Variants in NLRP3 observed in about 807,000 individuals in gnomAD.
NLRP3 encodes the protein NACHT, LRR and PYD domains-containing protein 3.
NLRP3 carries 48 observed loss-of-function variants against 91.3 expected under a neutral mutation model. That is an observed-to-expected ratio of 0.53 (90% CI 0.42 to 0.67). The LOEUF is 0.67. Among genes scored for constraint, NLRP3 ranks in the 30% least tolerant of loss-of-function variants. The probability of loss-of-function intolerance (pLI) is 0.00; values close to 1 mark genes in which losing one functional copy is unlikely to be tolerated. For synonymous variants in NLRP3, 561 were observed against 507.9 expected, an observed-to-expected ratio of 1.10 and a Z score of -1.41; for missense variants, 982 against 1,276.9, an observed-to-expected ratio of 0.77 and a Z score of 3.52.
At position 247,424,279 on chromosome 1, in the gene NLRP3, G is replaced by A; in HGVS notation, c.830G>A (p.Cys277Tyr). 1.2e-6 allele frequency: 2 copies of A among 1,614,086 alleles called. No homozygotes were observed. The highest frequency in any genetic ancestry group is 1.7e-6 in the Non-Finnish European group (2 of 1,180,016). Residue 277 changes from cysteine to tyrosine, a missense_variant, in exon 4 of 10, where the codon TGC becomes TAC. Cys to Tyr is a radical substitution (Grantham distance 194). Transcript: ENST00000336119. This position sits in a 1 kb window ranked among gnomAD's most constrained non-coding sequence, Gnocchi z 8.1. ...AGCCTGGGGGACCTGATCATGAGCTGCTGCCCCGACCCAAACCCACCCATC... is the reference window on the plus strand; with the variant it reads ...AGCCTGGGGGACCTGATCATGAGCTACTGCCCCGACCCAAACCCACCCATC... ...QRSLGDLIMS[C>Y]CPDPNPPIHK...
rs1662796733 is a variant in NLRP3 at position 247,425,395 on chromosome 1, C to G, written c.1946C>G (p.Pro649Arg). The G allele has an allele frequency of 5.0e-6, 8 of 1,614,182 alleles. No homozygotes were observed. The highest frequency in any genetic ancestry group is 6.8e-6 in the Non-Finnish European group (8 of 1,180,038). ...GTGCAAAGGGCCATGGACTATTTCC[C>G]CAAGATTGAGATCAATCTCTCCACC... is the stretch of plus-strand genomic sequence containing the variant. ...DFVQRAMDYF[P>R]KIEINLSTRM... The change falls in exon 4 of 10, where the codon CCC (proline) becomes CGC (arginine). Residue 649 changes from proline (P) to arginine (R), a missense_variant. Pro to Arg is a moderately radical substitution (Grantham distance 103, BLOSUM62 -2). This residue lies in a region of NLRP3 where 373 missense variants were observed against 431.5 expected (regional missense o/e 0.86). Coordinates refer to ENST00000336119, the MANE Select transcript of NLRP3 (RefSeq NM_001243133.2). This position sits in a 1 kb window ranked among gnomAD's most constrained non-coding sequence, Gnocchi z 4.1.
At chr1:247,417,360 G>GA (rs1558183842) in intron 1 of NLRP3, among the ~76,000 whole-genome samples, 3 of 152,222 alleles carry the variant, frequency 2.0e-5, no homozygotes, top group African/African-American at 7.2e-5. Context: ...GGTTAGATGG[G>GA]GAAAAACATC....
At chr1:247,416,641 G>A (rs992540022) in intron 1 of NLRP3, among the ~76,000 whole-genome samples, 1 of 126,418 alleles carries the variant, frequency 7.9e-6, no homozygotes, top group Admixed American at 7.8e-5. Flanking sequence ...GGTATGCGGA[G>A]CTAATAGGGC....
chr1:247,419,495 A>G (rs1662309987), intron 2 of NLRP3, among the ~76,000 whole-genome samples: 1 of 152,088 alleles, frequency 6.6e-6, no homozygotes, highest in African/African-American at 2.4e-5. Context: ...TGTTAGGTAC[A>G]CTCACATTGT....
In NLRP3 at chr1:247,425,624, C is replaced by G; in HGVS notation, c.2150+25C>G. On this transcript the variant is annotated intron_variant, in intron 4 of 9. Transcript: ENST00000336119. This position sits in a 1 kb window ranked among gnomAD's most constrained non-coding sequence, Gnocchi z 4.1. Reference sequence around the variant, plus strand: ...GGTAAGGAAACTCGGCTTCCAGGTGCTTCCTCCTGCTTCCTCGCCAGCTTC... The same window carrying G: ...GGTAAGGAAACTCGGCTTCCAGGTGGTTCCTCCTGCTTCCTCGCCAGCTTC... 6.3e-7 allele frequency: 1 copy of G among 1,594,736 alleles called. No individual in the cohort carries two copies. Among genetic ancestry groups the G allele is most frequent in the Non-Finnish European group, 8.5e-7 (1 of 1,175,486 alleles).
chr1:247,426,119 T>TA (rs1416750733), intron 4 of NLRP3, among the ~76,000 whole-genome samples: 1 of 152,190 alleles, frequency 6.6e-6, no homozygotes, highest in African/African-American at 2.4e-5. Context: ...TGAAGACTGG[T>TA]ATGAGCCAAA....
At chr1:247,423,681 C>T (rs1662636165) in intron 3 of NLRP3, among the ~76,000 whole-genome samples, 166 bp from the exon 4 acceptor site, 1 of 151,978 alleles carries the variant, frequency 6.6e-6, no homozygotes, top group African/African-American at 2.4e-5. Flanking sequence ...ATCTTAAAAA[C>T]TTGACACCAG....
intron 5 of NLRP3, 119 bp from the exon 6 acceptor site, chr1:247,433,984 T>C: frequency 1.4e-6 from 1 of 713,426 alleles, no homozygotes; most frequent in Non-Finnish European, 2.3e-6. Flanking sequence ...ATCAGATGTG[T>C]TCTGATGCTT....
rs1482886217 is a variant in NLRP3 at position 247,444,083 on chromosome 1, G to A, written c.2775G>A (p.Lys925=). The part of the protein sequence containing the change: ...LYLRGNTLGD[K]GIKLLCEGLL... ...TGCGAGGCAACACTCTCGGAGACAA[G>A]GGGATCAAACTACTCTGTGAGGGAC... The change falls in exon 8 of 10, where the codon AAG becomes AAA. Residue 925 remains lysine, a synonymous_variant. Coordinates refer to ENST00000336119, the MANE Select transcript of NLRP3 (RefSeq NM_001243133.2). The A allele has an allele frequency of 6.2e-7, 1 of 1,614,180 alleles. No homozygotes were observed. The highest frequency in any genetic ancestry group is 1.6e-4 in the Middle Eastern group (1 of 6,062).
chr1:247,427,348 A>C (rs1572179106), intron 4 of NLRP3, among the ~76,000 whole-genome samples: 1 of 152,234 alleles, frequency 6.6e-6, no homozygotes, highest in Admixed American at 6.5e-5. Flanking sequence ...AAATGGGAGA[A>C]GAAGAGTAAG....
At position 247,444,950 on chromosome 1, in the gene NLRP3, T is replaced by C. The variant is rs199475737; in HGVS notation, c.3005+129T>C. The C allele has an allele frequency of 5.6e-5, 49 of 870,804 alleles. No homozygotes were observed. The Middle Eastern group carries it at 1.0e-3, about 18-fold the overall frequency. 53.9% of individuals were successfully genotyped at this position (870,804 alleles called of 1,614,324 possible). ...CAAGATTAGGTTGGGCCTGGGTCAG[T>C]TGTGGTGGATATTTTAAAATAGAGA... is the stretch of plus-strand genomic sequence containing the variant. On this transcript the variant is annotated intron_variant, in intron 9 of 9. Transcript: ENST00000336119.
At position 247,418,098 on chromosome 1, in the gene NLRP3, C is replaced by T. The variant is rs567224404; in HGVS notation, c.-703C>T. The T allele has an allele frequency of 1.3e-5, 2 of 152,850 alleles. No homozygotes were observed. Among genetic ancestry groups the T allele is most frequent in the South Asian group, 4.1e-4 (2 of 4,846 alleles). 9.5% of individuals were successfully genotyped at this position (152,850 alleles called of 1,614,324 possible). ...GAATAGTGAAGAGTTTGTCCAATGT[C>T]ATAGCCCCGTAATCAACGGGACAAA... On this transcript the variant is annotated 5_prime_UTR_variant, in exon 2 of 10. Coordinates refer to ENST00000336119, the MANE Select transcript of NLRP3 (RefSeq NM_001243133.2).
intron 9 of NLRP3, among the ~76,000 whole-genome samples, chr1:247,446,716 G>A (rs1476579085): frequency 6.6e-6 from 1 of 152,092 alleles, no homozygotes; most frequent in East Asian, 1.9e-4. Context: ...CTGCAGTGTA[G>A]CACATCTTAT....
intron 1 of NLRP3, among the ~76,000 whole-genome samples, chr1:247,416,561 G>A (rs1217366806): frequency 6.6e-6 from 1 of 152,202 alleles, no homozygotes; most frequent in African/African-American, 2.4e-5. Context: ...TGGTGTTAGG[G>A]TGGAAGGAGC....
intron 2 of NLRP3, among the ~76,000 whole-genome samples, chr1:247,419,477 T>C (rs1662307606): frequency 6.6e-6 from 1 of 152,088 alleles, no homozygotes; most frequent in South Asian, 2.1e-4. Flanking sequence ...AAATGTACAG[T>C]TCAGTAGTGT....
chr1:247,446,379 A>T (rs1349225395), intron 9 of NLRP3, among the ~76,000 whole-genome samples: 1 of 152,212 alleles, frequency 6.6e-6, no homozygotes, highest in African/African-American at 2.4e-5. Flanking sequence ...TCGTCTTCTT[A>T]TCACTTTCAT....
chr1:247,439,554 T>C (rs756103162), intron 7 of NLRP3, among the ~76,000 whole-genome samples: 1 of 152,222 alleles, frequency 6.6e-6, no homozygotes, highest in Non-Finnish European at 1.5e-5. Context: ...ACACAAGTCA[T>C]GTTAGATTTG....
chr1:247,428,883 C>T (rs1173172968), intron 4 of NLRP3, among the ~76,000 whole-genome samples: 6 of 141,518 alleles, frequency 4.2e-5, no homozygotes, highest in African/African-American at 7.5e-5. Context: ...CCTGGGCTTG[C>T]GATTTTCTTT....
Position 247,424,076 on chromosome 1 carries a change from C to T in NLRP3, c.627C>T (p.Pro209=), listed in dbSNP as rs554444159. The T allele has an allele frequency of 3.2e-5, 52 of 1,614,010 alleles. No individual in the cohort carries two copies. The South Asian group carries it at 5.3e-4, about 16-fold the overall frequency. Residue 209 remains proline, a synonymous_variant, in exon 4 of 10, where the codon CCC becomes CCT. Coordinates refer to ENST00000336119, the MANE Select transcript of NLRP3 (RefSeq NM_001243133.2). The surrounding 1 kb of genome is among the most constrained non-coding windows in gnomAD (Gnocchi z 8.1). ...TTAAGATGGAGTTGCTGTTTGACCC[C>T]GATGATGAGCATTCTGAGCCTGTGC... ...SPIKMELLFD[P]DDEHSEPVHT...
Sources: gnomAD v4.1 joint callset for allele counts (sites outside exome capture counted in the v4.1 genomes callset) on GRCh38, gnomAD v4.1.1 for gene constraint, gnomAD v4.1.1 regional missense constraint, Gnocchi (gnomAD v3.1) non-coding constraint, MANE v1.5 for transcripts, NCBI Gene and HGNC (gene_info 2026-07-23, HGNC 2026-07-21) for gene names.